Variants in PIGK observed in about 807,000 individuals in gnomAD.
PIGK encodes GPI-anchor transamidase.
In PIGK, 42 loss-of-function variants were observed where a neutral mutation model predicts 50.6. The observed-to-expected ratio is 0.83, with a 90% CI of 0.65 to 1.07. The LOEUF (loss-of-function observed/expected upper bound fraction) is 1.07. PIGK is among the 50% of genes least tolerant of loss of function. The pLI, the probability that PIGK is intolerant of heterozygous loss-of-function variation, is 0.00. For synonymous variants in PIGK, 151 were observed against 156.0 expected, an observed-to-expected ratio of 0.97 and a Z score of 0.24; for missense variants, 448 against 488.7, an observed-to-expected ratio of 0.92 and a Z score of 0.78.
chr1:77,159,780 C>G (rs1352739993), intron 8 of PIGK, among the ~76,000 whole-genome samples: 1 of 152,148 alleles, frequency 6.6e-6, no homozygotes, highest in Non-Finnish European at 1.5e-5. Flanking sequence ...GCCTGTACCC[C>G]CATTGTATCT....
intron 9 of PIGK, among the ~76,000 whole-genome samples, chr1:77,133,597 T>C (rs1373443454): frequency 6.6e-6 from 1 of 152,182 alleles, no homozygotes; most frequent in Non-Finnish European, 1.5e-5. Flanking sequence ...ACAGTGTTAT[T>C]TTCCACTTAA....
intron 9 of PIGK, among the ~76,000 whole-genome samples, chr1:77,143,475 T>A (rs1654702803): frequency 6.6e-6 from 1 of 152,026 alleles, no homozygotes; most frequent in South Asian, 2.1e-4. Flanking sequence ...AGACCGCAGG[T>A]CTGTATCATT....
intron 3 of PIGK, among the ~76,000 whole-genome samples, chr1:77,180,933 T>C (rs1655597264): frequency 6.6e-6 from 1 of 152,130 alleles, no homozygotes; most frequent in African/African-American, 2.4e-5. Flanking sequence ...AGATTTATTT[T>C]CCTTTCACAG....
chr1:77,114,688 T>C (rs1398060866), intron 10 of PIGK, among the ~76,000 whole-genome samples: 1 of 152,146 alleles, frequency 6.6e-6, no homozygotes, highest in East Asian at 1.9e-4. Context: ...TAAGTGACAT[T>C]TTTGGAAGTG....
intron 9 of PIGK, among the ~76,000 whole-genome samples, chr1:77,122,754 GT>G (rs1191116325): frequency 6.6e-6 from 1 of 152,140 alleles, no homozygotes; most frequent in Non-Finnish European, 1.5e-5. Context: ...TACTGTTTTA[GT>G]TATATTTAAC....
intron 9 of PIGK, among the ~76,000 whole-genome samples, chr1:77,132,007 G>A (rs1394578073): frequency 6.6e-6 from 1 of 151,956 alleles, no homozygotes; most frequent in Non-Finnish European, 1.5e-5. Context: ...TTTGCAGTTT[G>A]TTGGGAAAGG....
intron 1 of PIGK, among the ~76,000 whole-genome samples, chr1:77,216,205 C>T (rs953375487): frequency 6.6e-6 from 1 of 152,016 alleles, no homozygotes; most frequent in Non-Finnish European, 1.5e-5. Flanking sequence ...ACTATATACC[C>T]CATAAATATG....
chr1:77,107,985 C>A lies in PIGK; in HGVS notation c.1071+14290G>T, dbSNP rs139983385. On this transcript the variant is annotated intron_variant, in intron 10 of 10. Coordinates refer to ENST00000370812, the MANE Select transcript of PIGK (RefSeq NM_005482.3). ...CTTTATTTTGAGCCTATGTGAGTCT[C>A]TGCACATGAGATGGGTTTCCTGAAT... 1.0e-3 allele frequency among the ~76,000 whole-genome samples: 154 copies of A among 152,250 alleles called. 2 individuals are homozygous for A. The highest frequency in any genetic ancestry group is 3.5e-3 in the African/African-American group (145 of 41,546).
Position 77,091,105 on chromosome 1 carries a change from A to G in PIGK, c.*1269T>C, listed in dbSNP as rs1484210219. On this transcript the variant is annotated 3_prime_UTR_variant, in exon 11 of 11. Transcript: ENST00000370812. ...TTAAAAAAAAATCTTTGCACTGAAT[A>G]AAGATGAACACATAAATTCTTGCAT... The G allele has an allele frequency of 6.6e-6, 1 of 152,222 alleles. No homozygotes were observed. The highest frequency in any genetic ancestry group is 1.9e-4 in the East Asian group (1 of 5,202). The allele number at this position is 152,222 out of a possible 1,614,324, so 9.4% of individuals were successfully genotyped here.
chr1:77,122,296 A>C lies in PIGK; in HGVS notation c.1050T>G (p.Pro350=). 1 of 1,598,930 alleles carries C rather than the reference A, an allele frequency of 6.3e-7. No homozygotes were observed. Among genetic ancestry groups the C allele is most frequent in the Non-Finnish European group, 8.6e-7 (1 of 1,166,438 alleles). ...MEPLKYAEQL[P]VAQIIHQKPK... ...AAACCTGGTGTATTATCTGAGCTAC[A>C]GGAAGTTGTTCAGCATATTTCAGAG... The change falls in exon 10 of 11, where the codon CCT becomes CCG. Residue 350 remains proline, a synonymous_variant. Coordinates refer to ENST00000370812, the MANE Select transcript of PIGK (RefSeq NM_005482.3).
rs1054614408 is a variant in PIGK at position 77,154,149 on chromosome 1, G to A, written c.986+300C>T. The A allele has an allele frequency of 4.6e-5, 20 of 430,694 alleles. No homozygotes were observed. In the South Asian group the frequency reaches 6.9e-4, roughly 15 times the overall value. 26.7% of individuals were successfully genotyped at this position (430,694 alleles called of 1,614,324 possible). The stretch of plus-strand genomic sequence containing the variant: ...AGGAGGCCTAACAGAAAATTATGGC[G>A]CTGGGATAGCCAGTTATGGGAAAAG... On this transcript the variant is annotated intron_variant, in intron 9 of 10. Coordinates refer to ENST00000370812, the MANE Select transcript of PIGK (RefSeq NM_005482.3).
At chr1:77,205,743 TAC>T (rs1656272133) in intron 3 of PIGK, among the ~76,000 whole-genome samples, 1 of 152,154 alleles carries the variant, frequency 6.6e-6, no homozygotes, top group South Asian at 2.1e-4. Context: ...CTGAATTGAC[TAC>T]AGTTTCTTGC....
intron 10 of PIGK, among the ~76,000 whole-genome samples, chr1:77,115,889 C>T (rs1399917356): frequency 2.0e-5 from 3 of 151,912 alleles, no homozygotes; most frequent in East Asian, 1.9e-4. Context: ...AATCTTGCAA[C>T]GTATTAATCT....
intron 10 of PIGK, among the ~76,000 whole-genome samples, chr1:77,095,609 T>C (rs969977602): frequency 1.3e-5 from 2 of 152,136 alleles, no homozygotes; most frequent in African/African-American, 4.8e-5. Flanking sequence ...GTTCACTGCT[T>C]CCTGGAAGGC....
At chr1:77,194,633 T>A (rs1655988230) in intron 3 of PIGK, among the ~76,000 whole-genome samples, 2 of 115,316 alleles carry the variant, frequency 1.7e-5, no homozygotes, top group Non-Finnish European at 3.5e-5. Flanking sequence ...CCAGAACCTA[T>A]TTGTGGGTGG....
chr1:77,116,421 G>A (rs1419872091), intron 10 of PIGK, among the ~76,000 whole-genome samples: 1 of 151,852 alleles, frequency 6.6e-6, no homozygotes, highest in African/African-American at 2.4e-5. Flanking sequence ...TCCTGACCTC[G>A]TGATTCGCCC....
intron 9 of PIGK, 104 bp from the exon 10 acceptor site, chr1:77,122,463 T>C: frequency 3.0e-6 from 2 of 675,666 alleles, no homozygotes; most frequent in Non-Finnish European, 5.1e-6. Flanking sequence ...ATGCATAGAT[T>C]TTTTTTGAAA....
chr1:77,162,478 G>T (rs1244403196), intron 6 of PIGK, among the ~76,000 whole-genome samples: 3 of 152,142 alleles, frequency 2.0e-5, no homozygotes. Flanking sequence ...TTTCAAAAAG[G>T]TAGAATAGGT....
chr1:77,189,748 TACACAC>T (rs200985315), intron 3 of PIGK, among the ~76,000 whole-genome samples: 77 of 53,976 alleles, frequency 1.4e-3, no homozygotes, highest in African/African-American at 5.3e-3. Flanking sequence ...TATATATATA[TACACAC>T]ACACACACAC....
Sources: gnomAD v4.1 joint callset for allele counts (sites outside exome capture counted in the v4.1 genomes callset) on GRCh38, gnomAD v4.1.1 for gene constraint, MANE v1.5 for transcripts, NCBI Gene and HGNC (gene_info 2026-07-23, HGNC 2026-07-21) for gene names.